OLFM1: variants seen among roughly 807,000 people sequenced by gnomAD.
OLFM1 encodes the protein noelin.
Under a neutral mutation model 49.7 loss-of-function variants are expected in OLFM1, and 9 were observed. That is an observed-to-expected ratio of 0.18 (90% CI 0.11 to 0.32). The LOEUF (loss-of-function observed/expected upper bound fraction) is 0.32, where lower values mean the gene tolerates loss of function less well. Ranked by LOEUF, OLFM1 falls within the 10% of genes least tolerant of loss-of-function variation. The probability of loss-of-function intolerance (pLI) is 1.00; values close to 1 mark genes in which losing one functional copy is unlikely to be tolerated. For synonymous variants in OLFM1, 240 were observed against 271.8 expected (o/e 0.88, Z 1.15); for missense variants, 369 against 661.8 (o/e 0.56, Z 4.85).
Position 135,093,360 on chromosome 9 carries a change from G to T in OLFM1, c.301-2504G>T, listed in dbSNP as rs180940733. ...GAGCCAGTCCAGCTTGAACTGGCAGGCCTCCTGGCTGGGTGACAGTAAGCA... is the reference window on the plus strand; with the variant it reads ...GAGCCAGTCCAGCTTGAACTGGCAGTCCTCCTGGCTGGGTGACAGTAAGCA... On this transcript the variant is annotated intron_variant, in intron 2 of 5. Coordinates refer to ENST00000371793, the MANE Select transcript of OLFM1 (RefSeq NM_001282611.2). 5.1e-4 allele frequency among the ~76,000 whole-genome samples: 77 copies of T among 152,314 alleles called. 1 individual carries two copies. The highest frequency in any genetic ancestry group is 6.8e-3 in the Middle Eastern group (2 of 294).
chr9:135,087,377 G>C (rs1042797112), upstream of OLFM1: 2 of 1,547,010 alleles, frequency 1.3e-6, no homozygotes, highest in African/African-American at 2.8e-5. Flanking sequence ...CGTGAGGATG[G>C]GAGAAGCCCC....
chr9:135,085,512 C>A (rs1367849128), upstream of OLFM1, among the ~76,000 whole-genome samples: 2 of 152,250 alleles, frequency 1.3e-5, no homozygotes, highest in Non-Finnish European at 2.9e-5. Context: ...CCACACCATG[C>A]ACTTCAGTAA....
chr9:135,091,568 CA>C (rs1830690872), intron 2 of OLFM1, among the ~76,000 whole-genome samples: 1 of 149,212 alleles, frequency 6.7e-6, no homozygotes, highest in Non-Finnish European at 1.5e-5. Flanking sequence ...TAGTCACACA[CA>C]CACACAGTCA....
At chr9:135,114,123 CTTTTTTTTT>C (rs138372395) in intron 5 of OLFM1, among the ~76,000 whole-genome samples, 10 of 75,850 alleles carry the variant, frequency 1.3e-4, no homozygotes, top group African/African-American at 3.6e-4. Flanking sequence ...TCTTGAGATT[CTTTTTTTTT>C]TTTTTTTTTT....
intron 3 of OLFM1, among the ~76,000 whole-genome samples, chr9:135,097,289 G>C (rs1017213252): frequency 6.6e-6 from 1 of 152,146 alleles, no homozygotes; most frequent in African/African-American, 2.4e-5. Flanking sequence ...GAAATGAGCC[G>C]ATTGTGCTCA....
At chr9:135,077,464 C>A (rs1425668732) in intron 1 of OLFM1, 6 of 472,878 alleles carry the variant, frequency 1.3e-5, no homozygotes, top group African/African-American at 3.9e-5. Context: ...CAATTAGAAG[C>A]CTTGTCTCAG....
chr9:135,086,893 C>T (rs937211629), upstream of OLFM1, among the ~76,000 whole-genome samples: 1 of 152,170 alleles, frequency 6.6e-6, no homozygotes, highest in Non-Finnish European at 1.5e-5. Context: ...CACACACCCA[C>T]CTCCCCAACA....
chr9:135,089,875 C>T (rs1379690286), intron 1 of OLFM1, among the ~76,000 whole-genome samples: 4 of 152,214 alleles, frequency 2.6e-5, no homozygotes, highest in Non-Finnish European at 5.9e-5. Flanking sequence ...CCAGTTGCCC[C>T]TCCCATCCAC....
intron 5 of OLFM1, among the ~76,000 whole-genome samples, chr9:135,114,090 C>T (rs1831061229): frequency 6.7e-6 from 1 of 149,422 alleles, no homozygotes; most frequent in Non-Finnish European, 1.5e-5. Context: ...ATTTAGGGCC[C>T]ACCTTCATCC....
chr9:135,114,598 G>T (rs1039132260), intron 5 of OLFM1, among the ~76,000 whole-genome samples: 7 of 151,964 alleles, frequency 4.6e-5, no homozygotes, highest in Non-Finnish European at 8.8e-5. Context: ...CCTGGGGCAG[G>T]GATGGGGACG....
rs2119150912 is a variant in OLFM1 at position 135,120,740 on chromosome 9, A to C, written c.*562A>C. On this transcript the variant is annotated 3_prime_UTR_variant, in exon 6 of 6. Transcript: ENST00000371793. ...TACTGAAGCGATGGTCAGAGTGTGT[A>C]GAGTGAAGTTGCTGTGCCCACATTG... 6.4e-6 allele frequency: 1 copy of C among 155,306 alleles called. No homozygotes were observed. Among genetic ancestry groups the C allele is most frequent in the East Asian group, 1.9e-4 (1 of 5,212 alleles). The allele number at this position is 155,306 out of a possible 1,614,324, so 9.6% of individuals were successfully genotyped here. A position where few individuals can be genotyped will look rare whatever the true frequency, so the allele number is the denominator to read the frequency against.
At chr9:135,095,023 A>G (rs572081172) in intron 2 of OLFM1, 31 of 152,338 alleles carry the variant, frequency 2.0e-4, no homozygotes, top group African/African-American at 7.0e-4. Flanking sequence ...ACAGAAGCAC[A>G]CACCAGTTTC....
intron 2 of OLFM1, among the ~76,000 whole-genome samples, chr9:135,091,614 C>CAGTCAAACACACTCACAT (rs1830694781): frequency 7.3e-6 from 1 of 136,228 alleles, no homozygotes; most frequent in Non-Finnish European, 1.6e-5. Context: ...CATAGTCACA[C>CAGTCAAACACACTCACAT]AGTCACACAC....
At chr9:135,109,802 G>A (rs1207647317) in intron 5 of OLFM1, among the ~76,000 whole-genome samples, 1 of 152,190 alleles carries the variant, frequency 6.6e-6, no homozygotes, top group Non-Finnish European at 1.5e-5. Context: ...CAAGGGCAGA[G>A]GGGAGAGGTT....
chr9:135,091,907 A>ACT (rs1830721281), intron 2 of OLFM1, among the ~76,000 whole-genome samples: 1 of 148,342 alleles, frequency 6.7e-6, no homozygotes, highest in East Asian at 2.0e-4. Context: ...TCACACACAC[A>ACT]CACACATAGT....
Position 135,101,966 on chromosome 9 carries a change from C to G in OLFM1, c.676+3461C>G, listed in dbSNP as rs201685937. 2.6e-3 allele frequency among the ~76,000 whole-genome samples: 402 copies of G among 152,336 alleles called. 13 individuals are homozygous for G. The South Asian group carries it at 0.059, about 22-fold the overall frequency. Reference sequence around the variant, plus strand: ...CTTAGTTTCTTTTTTTTCCCAAAGCCTGGGAAGCCCCCAGACACCCATAAG... The same window carrying G: ...CTTAGTTTCTTTTTTTTCCCAAAGCGTGGGAAGCCCCCAGACACCCATAAG... On this transcript the variant is annotated intron_variant, in intron 4 of 5. Coordinates refer to ENST00000371793, the MANE Select transcript of OLFM1 (RefSeq NM_001282611.2).
In OLFM1 at chr9:135,087,830, C is replaced by T. The variant is rs1370731779; in HGVS notation, c.-160C>T. 4 of 906,406 alleles carry T rather than the reference C, an allele frequency of 4.4e-6. No individual in the cohort carries two copies. Among genetic ancestry groups the T allele is most frequent in the Non-Finnish European group, 5.3e-6 (4 of 760,806 alleles). 56.1% of individuals were successfully genotyped at this position (906,406 alleles called of 1,614,324 possible). ...GGAAGGCGCGGCGATGGCCGGGGCG[C>T]GCGGGGCGGCGGCGGCGGCGGGCGG... On this transcript the variant is annotated 5_prime_UTR_variant, in exon 1 of 6. Transcript: ENST00000371793.
At chr9:135,101,189 G>C (rs935463926) in intron 4 of OLFM1, among the ~76,000 whole-genome samples, 5 of 152,184 alleles carry the variant, frequency 3.3e-5, no homozygotes, top group Non-Finnish European at 7.3e-5. Context: ...GCTGCCGGCC[G>C]TCCTGGGTGG....
At chr9:135,075,654 G>A (rs574155189) in exon 1 of OLFM1, 5 of 1,363,026 alleles carry the variant, frequency 3.7e-6, no homozygotes, top group East Asian at 5.6e-5. Flanking sequence ...GGCCAGAGCC[G>A]GAGCGCGTCC....
Sources: gnomAD v4.1 joint callset for allele counts (sites outside exome capture counted in the v4.1 genomes callset) on GRCh38, gnomAD v4.1.1 for gene constraint, MANE v1.5 for transcripts, NCBI Gene and HGNC (gene_info 2026-07-23, HGNC 2026-07-21) for gene names.